Variants in FASTKD1 observed in about 807,000 individuals in gnomAD.
FASTKD1 encodes FAST kinase domains 1.
In FASTKD1, 94 loss-of-function variants were observed where a neutral mutation model predicts 90.9. That is an observed-to-expected ratio of 1.03 (90% CI 0.88 to 1.23). The LOEUF (loss-of-function observed/expected upper bound fraction) is 1.23, where lower values mean the gene tolerates loss of function less well. FASTKD1 is among the 50% of genes most tolerant of loss of function. The pLI is 0.00. For synonymous variants in FASTKD1, 319 were observed against 345.8 expected (o/e 0.92, Z 0.86); for missense variants, 945 against 993.5 (o/e 0.95, Z 0.66).
In FASTKD1 at chr2:169,546,674, C is replaced by G. The variant is rs764441798; in HGVS notation, c.1245G>C (p.Glu415Asp). Residue 415 changes from glutamate (E) to aspartate (D), a missense_variant, in exon 8 of 15, where the codon GAG becomes GAC. Glu to Asp is a conservative substitution (Grantham distance 45). Transcript: ENST00000453153. ...SYLKNSFIPT[E>D]VSVLVRAISL... ...AAATAGCACGGACCAGAACAGACACCTCAGTTGGTATGAAACTATTTTTCA... is the reference window on the plus strand; with the variant it reads ...AAATAGCACGGACCAGAACAGACACGTCAGTTGGTATGAAACTATTTTTCA... 12 of 1,605,964 alleles carry G rather than the reference C, an allele frequency of 7.5e-6. No individual in the cohort carries two copies. In the South Asian group the frequency reaches 1.0e-4, roughly 13 times the overall value.
chr2:169,560,796 A>C lies in FASTKD1; in HGVS notation c.573-11T>G. The C allele has an allele frequency of 6.7e-7, 1 of 1,492,518 alleles. No individual in the cohort carries two copies. The highest frequency in any genetic ancestry group is 8.9e-7 in the Non-Finnish European group (1 of 1,123,186). The allele number at this position is 1,492,518 out of a possible 1,614,324, so 92.5% of individuals were successfully genotyped here. A position where few individuals can be genotyped will look rare whatever the true frequency, so the allele number is the denominator to read the frequency against. On this transcript the variant is annotated splice_polypyrimidine_tract_variant and intron_variant, in intron 4 of 14. Coordinates refer to ENST00000453153, the MANE Select transcript of FASTKD1 (RefSeq NM_024622.6). ...AAGACAGACAAGGAACTGAAAAAGA[A>C]AAAAGATGCAAAGATTTTTACATCA...
chr2:169,550,516 T>C (rs1181122078), intron 7 of FASTKD1, among the ~76,000 whole-genome samples: 2 of 152,188 alleles, frequency 1.3e-5, no homozygotes, highest in Non-Finnish European at 2.9e-5. Flanking sequence ...TCTCACTCTA[T>C]AGCCCAGGCT....
intron 12 of FASTKD1, among the ~76,000 whole-genome samples, chr2:169,532,092 C>T (rs1460287514): frequency 6.6e-6 from 1 of 152,096 alleles, no homozygotes; most frequent in East Asian, 1.9e-4. Context: ...AATCAGCTGA[C>T]AACATACGAA....
intron 7 of FASTKD1, among the ~76,000 whole-genome samples, chr2:169,554,535 G>C (rs768210040): frequency 8.8e-6 from 1 of 113,198 alleles, no homozygotes; most frequent in Non-Finnish European, 2.2e-5. Context: ...GTGGTGGTAT[G>C]TGCCTGTATT....
At chr2:169,563,796 T>C (rs1683825714) in intron 3 of FASTKD1, among the ~76,000 whole-genome samples, 1 of 152,046 alleles carries the variant, frequency 6.6e-6, no homozygotes, top group Non-Finnish European at 1.5e-5. Flanking sequence ...GCAACACATA[T>C]GTAATAGCAA....
At chr2:169,554,529 T>C (rs1432460771) in intron 7 of FASTKD1, among the ~76,000 whole-genome samples, 1 of 113,040 alleles carries the variant, frequency 8.8e-6, no homozygotes, top group Non-Finnish European at 2.2e-5. Flanking sequence ...CAGGGTGTGG[T>C]GGTATGTGCC....
At chr2:169,530,738 G>A in intron 13 of FASTKD1, 37 bp from the exon 14 acceptor site, 1 of 1,110,678 alleles carries the variant, frequency 9.0e-7, no homozygotes. Flanking sequence ...CCTAAAATCA[G>A]AATAAGAAAC....
At chr2:169,554,211 T>C (rs943770535) in intron 7 of FASTKD1, among the ~76,000 whole-genome samples, 3 of 132,822 alleles carry the variant, frequency 2.3e-5, no homozygotes, top group African/African-American at 6.0e-5. Context: ...CAAGTTATGA[T>C]TGGCTGCCGT....
At chr2:169,531,564 A>C in intron 12 of FASTKD1, 74 bp from the exon 13 acceptor site, 1 of 1,098,894 alleles carries the variant, frequency 9.1e-7, no homozygotes. Context: ...TATATTTGAA[A>C]TATATATGCA....
In FASTKD1 at chr2:169,546,384, A is replaced by G. The variant is rs1685196039; in HGVS notation, c.1535T>C (p.Phe512Ser). ...KELKSLKGNT[F>S]PESLLEEMIA... is the part of the protein sequence containing the mutation. ...CATTTCTTCAAGAAGTGACTCAGGAAACGTGTTTCCTTTGAGAGATTTAAG... is the reference window on the plus strand; with the variant it reads ...CATTTCTTCAAGAAGTGACTCAGGAGACGTGTTTCCTTTGAGAGATTTAAG... The change falls in exon 8 of 15, where the codon TTT (phenylalanine) becomes TCT (serine). Residue 512 changes from phenylalanine to serine, a missense_variant. By Grantham distance (155) the Phe-to-Ser change is radical (BLOSUM62 -2). Coordinates refer to ENST00000453153, the MANE Select transcript of FASTKD1 (RefSeq NM_024622.6). 3 of 1,614,152 alleles carry G rather than the reference A, an allele frequency of 1.9e-6. No individual in the cohort carries two copies. The East Asian group carries it at 6.7e-5, about 36-fold the overall frequency.
chr2:169,531,032 G>A (rs1208335885), intron 13 of FASTKD1: 2 of 666,418 alleles, frequency 3.0e-6, no homozygotes, highest in Admixed American at 1.8e-5. Flanking sequence ...TGTATAGTAA[G>A]TTACTGTAAT....
intron 2 of FASTKD1, among the ~76,000 whole-genome samples, chr2:169,569,963 C>T (rs1031563823): frequency 2.0e-5 from 3 of 152,152 alleles, no homozygotes; most frequent in African/African-American, 7.2e-5. Flanking sequence ...TCAAGTACCT[C>T]AGAGAAAACA....
chr2:169,552,926 G>A (rs1324256135), intron 7 of FASTKD1, among the ~76,000 whole-genome samples: 1 of 152,054 alleles, frequency 6.6e-6, no homozygotes, highest in Non-Finnish European at 1.5e-5. Flanking sequence ...TAAAACATAG[G>A]CCAGGTGCAG....
chr2:169,530,628 T>A lies in FASTKD1; in HGVS notation c.2401A>T (p.Lys801Ter), dbSNP rs1684438301. The change falls in exon 14 of 15, where the codon AAA becomes TAA. Residue 801 changes from lysine to a stop codon, truncating the protein, a stop_gained. Coordinates refer to ENST00000453153, the MANE Select transcript of FASTKD1 (RefSeq NM_024622.6). LOFTEE classifies it high-confidence loss of function. ...IPHMKGKSAM[K>*]KRHLEILGYR... ...CCCAGAATTTCCAAATGTCGTTTTT[T>A]CATAGCAGATTTTCCTTTCATGTGA... 1.9e-6 allele frequency: 3 copies of A among 1,609,676 alleles called. No homozygotes were observed. Among genetic ancestry groups the A allele is most frequent in the Non-Finnish European group, 2.5e-6 (3 of 1,178,830 alleles).
At chr2:169,568,459 T>C (rs191190351) in intron 3 of FASTKD1, among the ~76,000 whole-genome samples, 3 of 151,756 alleles carry the variant, frequency 2.0e-5, no homozygotes, top group African/African-American at 7.3e-5. Context: ...TATTCCCCAC[T>C]CTTAAAGAGG....
chr2:169,544,861 T>C (rs746407002), intron 8 of FASTKD1, 26 bp from the exon 9 acceptor site: 4 of 1,346,190 alleles, frequency 3.0e-6, no homozygotes, highest in Non-Finnish European at 4.1e-6. Flanking sequence ...AAAAAATTTA[T>C]AGTTTAAACT....
intron 2 of FASTKD1, 77 bp from the exon 3 acceptor site, chr2:169,569,329 G>A (rs1461536241): frequency 2.2e-6 from 3 of 1,346,536 alleles, no homozygotes; most frequent in Non-Finnish European, 2.1e-6. Context: ...GAATGATAAT[G>A]CAAAAGTGAA....
intron 2 of FASTKD1, among the ~76,000 whole-genome samples, chr2:169,570,435 C>T (rs1333606567): frequency 1.3e-5 from 2 of 151,902 alleles, no homozygotes; most frequent in African/African-American, 2.4e-5. Context: ...CCAAGGAAGC[C>T]CTTCTTTACG....
At position 169,560,742 on chromosome 2, in the gene FASTKD1, G is replaced by A. The variant is rs370955242; in HGVS notation, c.616C>T (p.Arg206Ter). ...LMVNISSLISRHFQQQLVNKT... is the reference protein window; with the variant it reads ...LMVNISSLIS ...TTCACCAGTTGTTGTTGAAAATGTC[G>A]TGATATTAAAGAAGATATGTTGACC... is the stretch of plus-strand genomic sequence containing the variant. Residue 206 changes from arginine to a stop codon, truncating the protein, a stop_gained, in exon 5 of 15, where the codon CGA (arginine) becomes TGA (stop). Transcript: ENST00000453153. LOFTEE classifies it high-confidence loss of function. The A allele has an allele frequency of 5.2e-5, 83 of 1,593,816 alleles. No individual in the cohort carries two copies. The highest frequency in any genetic ancestry group is 1.0e-4 in the South Asian group (9 of 86,920).
Sources: allele counts gnomAD v4.1 joint callset (sites outside exome capture counted in the v4.1 genomes callset), GRCh38; gene constraint gnomAD v4.1.1; transcripts MANE v1.5; gene names NCBI Gene and HGNC (gene_info 2026-07-23, HGNC 2026-07-21).